HAP1: variants seen among roughly 807,000 people sequenced by gnomAD.
HAP1 encodes huntingtin-associated protein 1.
HAP1 carries 59 observed loss-of-function variants against 60.3 expected under a neutral mutation model. The observed-to-expected ratio is 0.98, with a 90% CI of 0.79 to 1.22. The LOEUF is 1.22. HAP1 is among the 50% of genes most tolerant of loss of function. The pLI, the probability that HAP1 is intolerant of heterozygous loss-of-function variation, is 0.00. For missense variants in HAP1, 825 were observed against 785.3 expected (o/e 1.05, Z -0.60); for synonymous variants, 346 against 330.6 (o/e 1.05, Z -0.50).
rs948723047 is a variant in HAP1 at position 41,732,111 on chromosome 17, T to C, written c.722A>G (p.Tyr241Cys). 16 of 1,613,538 alleles carry C rather than the reference T, an allele frequency of 9.9e-6. No homozygotes were observed. In the Admixed American group the frequency reaches 1.7e-4, roughly 17 times the overall value. ...CCGCAAGTTCACCTGGTGTCTGAGG[T>C]ATAAAATCTGGCAGGAAGAGAGAGG... The part of the protein sequence containing the change: ...LLGSAKEEIL[Y>C]LRHQVNLRDE... Residue 241 changes from tyrosine to cysteine, a missense_variant, in exon 4 of 11, where the codon TAC becomes TGC. Coordinates refer to ENST00000347901, the MANE Select transcript of HAP1 (RefSeq NM_177977.3).
At position 41,732,570 on chromosome 17, in the gene HAP1, C is replaced by T. The variant is rs1420961854; in HGVS notation, c.549+149G>A. ...GATTGGCTCTGAGAGCTCTTCCAGCCTGAACATCCCACATCGACCTGTCTT... is the reference window on the plus strand; with the variant it reads ...GATTGGCTCTGAGAGCTCTTCCAGCTTGAACATCCCACATCGACCTGTCTT... On this transcript the variant is annotated intron_variant, in intron 2 of 10. Coordinates refer to ENST00000347901, the MANE Select transcript of HAP1 (RefSeq NM_177977.3). 3 of 963,954 alleles carry T rather than the reference C, an allele frequency of 3.1e-6. No homozygotes were observed. In the African/African-American group the frequency reaches 4.8e-5, roughly 16 times the overall value. 59.7% of individuals were successfully genotyped at this position (963,954 alleles called of 1,614,324 possible). A position where few individuals can be genotyped will look rare whatever the true frequency, so the allele number is the denominator to read the frequency against.
chr17:41,732,671 G>A, intron 2 of HAP1, 48 bp downstream of exon 2: 1 of 1,489,916 alleles, frequency 6.7e-7, no homozygotes, highest in Admixed American at 1.7e-5. Flanking sequence ...ACCCCTACAG[G>A]ACAAAACTAG....
At position 41,728,301 on chromosome 17, in the gene HAP1, G is replaced by A. The variant is rs148740082; in HGVS notation, c.1100C>T (p.Ser367Leu). 67 of 1,613,464 alleles carry A rather than the reference G, an allele frequency of 4.2e-5. No individual in the cohort carries two copies. The highest frequency in any genetic ancestry group is 1.6e-4 in the Middle Eastern group (1 of 6,062). The change falls in exon 7 of 11, where the codon TCG becomes TTG. Residue 367 changes from serine (S) to leucine (L), a missense_variant. Coordinates refer to ENST00000347901, the MANE Select transcript of HAP1 (RefSeq NM_177977.3). Reference sequence around the variant, plus strand: ...TTCCAGCCTGAGCACCAGCACCTCCGACAGCTCAGCCATCTGTTGGCTGGC... The same window carrying A: ...TTCCAGCCTGAGCACCAGCACCTCCAACAGCTCAGCCATCTGTTGGCTGGC... ...SEASQQMAELSEVLVLRLENY... is the reference protein window; with the variant it reads ...SEASQQMAELLEVLVLRLENY...
In HAP1 at chr17:41,732,746, G is replaced by A; in HGVS notation, c.522C>T (p.Val174=). 1 of 1,613,192 alleles carries A rather than the reference G, an allele frequency of 6.2e-7. No homozygotes were observed. Among genetic ancestry groups the A allele is most frequent in the Non-Finnish European group, 8.5e-7 (1 of 1,179,134 alleles). The change falls in exon 2 of 11, where the codon GTC becomes GTT. Residue 174 remains valine (V), a synonymous_variant. Transcript: ENST00000347901. ...PPVKKITQED[V]KVMLYLLEEL... ...CCTCCAGCAAATATAACATCACTTT[G>A]ACGTCTTCCTGGGTGATCTTTTTGA...
Position 41,724,531 on chromosome 17 carries a change from T to A in HAP1, c.*170A>T, listed in dbSNP as rs1034550602. The A allele has an allele frequency of 1.2e-5, 7 of 607,244 alleles. No individual in the cohort carries two copies. The highest frequency in any genetic ancestry group is 1.5e-5 in the Non-Finnish European group (5 of 343,584). 37.6% of individuals were successfully genotyped at this position (607,244 alleles called of 1,614,324 possible). A position where few individuals can be genotyped will look rare whatever the true frequency, so the allele number is the denominator to read the frequency against. On this transcript the variant is annotated 3_prime_UTR_variant, in exon 11 of 11. Coordinates refer to ENST00000347901, the MANE Select transcript of HAP1 (RefSeq NM_177977.3). ...CCCCCAGGAGAAAAGTGGATGGAGA[T>A]CTGGAATCCTAAGCAAATGCCACAT...
downstream of HAP1, chr17:41,721,613 G>T (rs1445778178): frequency 3.1e-5 from 5 of 160,686 alleles, no homozygotes; most frequent in East Asian, 8.5e-4. Context: ...TGTCACCCAG[G>T]TTGGAGTACA....
chr17:41,723,825 G>A lies in HAP1; in HGVS notation c.*876C>T, dbSNP rs183917529. 8.8e-3 allele frequency: 1,337 copies of A among 152,604 alleles called. 15 individuals are homozygous for A. The highest frequency in any genetic ancestry group is 0.011 in the Non-Finnish European group (775 of 68,232). The allele number at this position is 152,604 out of a possible 1,614,324, so 9.5% of individuals were successfully genotyped here. On this transcript the variant is annotated 3_prime_UTR_variant, in exon 11 of 11. Transcript: ENST00000347901. ...GGTACCAGGACAGCACTAGAGGGGAGGGATGGGCCAGTGAAGGTGCTACAG... is the reference window on the plus strand; with the variant it reads ...GGTACCAGGACAGCACTAGAGGGGAAGGATGGGCCAGTGAAGGTGCTACAG...
downstream of HAP1, among the ~76,000 whole-genome samples, chr17:41,718,664 G>C (rs868962398): frequency 6.6e-6 from 1 of 152,234 alleles, no homozygotes; most frequent in African/African-American, 2.4e-5. Context: ...GATTGCACTG[G>C]TGCCACTCCA....
chr17:41,727,981 G>A, intron 7 of HAP1, 145 bp from the exon 8 acceptor site: 3 of 699,804 alleles, frequency 4.3e-6, no homozygotes, highest in Non-Finnish European at 7.3e-6. Context: ...GGCAAAGAAG[G>A]CAGGGGAGTC....
At chr17:41,732,448 C>A in intron 2 of HAP1, 54 bp from the exon 3 acceptor site, 1 of 1,574,392 alleles carries the variant, frequency 6.4e-7, no homozygotes, top group Non-Finnish European at 8.7e-7. Context: ...GAACCTTCCC[C>A]ATCCCCTAGT....
chr17:41,726,896 G>A (rs1320650655), intron 9 of HAP1, among the ~76,000 whole-genome samples, 157 bp downstream of exon 9: 4 of 152,064 alleles, frequency 2.6e-5, no homozygotes, highest in African/African-American at 9.7e-5. Context: ...GGGAAGTGAT[G>A]GGTCCATATT....
At position 41,734,212 on chromosome 17, in the gene HAP1, C is replaced by A; in HGVS notation, c.423G>T (p.Gly141=). 6.3e-7 allele frequency: 1 copy of A among 1,599,298 alleles called. No homozygotes were observed. Among genetic ancestry groups the A allele is most frequent in the Non-Finnish European group, 8.6e-7 (1 of 1,169,522 alleles). Reference sequence around the variant, plus strand: ...AGGCGGCGCGCTCAGGGCCGGACACCCCGGGTCGCCGGCCAACGTAGGCGG... The same window carrying A: ...AGGCGGCGCGCTCAGGGCCGGACACACCGGGTCGCCGGCCAACGTAGGCGG... ...TPAAYVGRRP[G]VSGPERAAFI... The change falls in exon 1 of 11, where the codon GGG becomes GGT. Residue 141 remains glycine (G), a synonymous_variant. Transcript: ENST00000347901.
rs781814942 is a variant in HAP1, at chr17:41,724,780, T to G, written c.1781A>C (p.Lys594Thr). 1.2e-5 allele frequency: 19 copies of G among 1,611,132 alleles called. No homozygotes were observed. The Admixed American group carries it at 2.7e-4, about 23-fold the overall frequency. The change falls in exon 11 of 11, where the codon AAG becomes ACG. Residue 594 changes from lysine (K) to threonine (T), a missense_variant. By Grantham distance (78) the Lys-to-Thr change is moderately conservative. Transcript: ENST00000347901. ...DAHYRRQLRW[K>T]MLQKGECPHG... ...GGGGCACTCACCTTTCTGGAGCATC[T>G]TCCACCTCAGCTGCCGCCTGTAATG...
At chr17:41,719,486 A>C (rs903286245), downstream of HAP1, among the ~76,000 whole-genome samples, 1 of 152,116 alleles carries the variant, frequency 6.6e-6, no homozygotes, top group Non-Finnish European at 1.5e-5. Flanking sequence ...TGAGGTCAGG[A>C]GTTCGAGACC....
At position 41,727,059 on chromosome 17, in the gene HAP1, A is replaced by G; in HGVS notation, c.1361T>C (p.Met454Thr). Reference sequence around the variant, plus strand: ...GAGGGCCCCAGCCACGCACCTCTCCATAAAATACACAGGGTCTGAGATCAT... The same window carrying G: ...GAGGGCCCCAGCCACGCACCTCTCCGTAAAATACACAGGGTCTGAGATCAT... The part of the protein sequence containing the change: ...RRMISDPVYF[M>T]ERNYEMPRGD... The change falls in exon 9 of 11, where the codon ATG becomes ACG. Residue 454 changes from methionine (M) to threonine (T), a missense_variant. Coordinates refer to ENST00000347901, the MANE Select transcript of HAP1 (RefSeq NM_177977.3). 6.5e-7 allele frequency: 1 copy of G among 1,538,716 alleles called. No individual in the cohort carries two copies. Among genetic ancestry groups the G allele is most frequent in the East Asian group, 2.3e-5 (1 of 43,544 alleles).
Position 41,734,274 on chromosome 17 carries a change from C to A in HAP1, c.361G>T (p.Gly121Trp), listed in dbSNP as rs1597752367. ...GPFGSRATGRGTGKAAGIWKT... is the reference protein window; with the variant it reads ...GPFGSRATGRWTGKAAGIWKT... ...CAGATGCCCGCTGCCTTTCCAGTCC[C>A]CCGGCCAGTGGCCCGGGAACCAAAC... Residue 121 changes from glycine (G) to tryptophan (W), a missense_variant, in exon 1 of 11, where the codon GGG (glycine) becomes TGG (tryptophan). Physicochemically the swap from Gly to Trp is radical, Grantham distance 184. Coordinates refer to ENST00000347901, the MANE Select transcript of HAP1 (RefSeq NM_177977.3). 6.2e-7 allele frequency: 1 copy of A among 1,608,524 alleles called. No individual in the cohort carries two copies. The highest frequency in any genetic ancestry group is 8.5e-7 in the Non-Finnish European group (1 of 1,177,524).
chr17:41,732,151 A>T (rs782339176), intron 3 of HAP1, 33 bp from the exon 4 acceptor site: 1 of 1,612,174 alleles, frequency 6.2e-7, no homozygotes, highest in East Asian at 2.2e-5. Flanking sequence ...ATGGGTTGGG[A>T]GTGGGCAGGG....
rs183219080 is a variant in HAP1, at chr17:41,731,456, G to T, written c.1069+37C>A. 10 of 1,445,766 alleles carry T rather than the reference G, an allele frequency of 6.9e-6. No homozygotes were observed. The African/African-American group carries it at 7.0e-5, about 10-fold the overall frequency. 89.6% of individuals were successfully genotyped at this position (1,445,766 alleles called of 1,614,324 possible). On this transcript the variant is annotated intron_variant, in intron 6 of 10. Transcript: ENST00000347901. ...TCTTGAGTTCTTTTCTCTGCTCCTT[G>T]GGACAACCCCCCACCCCGAGTGACA... is the stretch of plus-strand genomic sequence containing the variant.
In HAP1 at chr17:41,727,067, C is replaced by T. The variant is rs1555589021; in HGVS notation, c.1353G>A (p.Val451=). The T allele has an allele frequency of 6.4e-7, 1 of 1,560,730 alleles. No homozygotes were observed. Among genetic ancestry groups the T allele is most frequent in the Non-Finnish European group, 8.8e-7 (1 of 1,141,574 alleles). Residue 451 remains valine (V), a synonymous_variant, in exon 9 of 11, where the codon GTG becomes GTA. Transcript: ENST00000347901. ...TSLRRMISDP[V]YFMERNYEMP... ...CAGCCACGCACCTCTCCATAAAATA[C>T]ACAGGGTCTGAGATCATCCTCCTTA...
Sources: allele counts gnomAD v4.1 joint callset (sites outside exome capture counted in the v4.1 genomes callset), GRCh38; gene constraint gnomAD v4.1.1; transcripts MANE v1.5; gene names NCBI Gene and HGNC (gene_info 2026-07-23, HGNC 2026-07-21).